The following CRB1 variants were observed in gnomAD, a reference collection of about 807,000 sequenced individuals.
CRB1 encodes the protein crumbs cell polarity complex component 1.
CRB1 carries 83 observed loss-of-function variants against 120.0 expected under a neutral mutation model. The ratio of observed to expected loss-of-function variants is 0.69; its 90% confidence interval spans 0.58 to 0.83. The LOEUF is 0.83. CRB1 is among the 40% of genes least tolerant of loss of function. The pLI is 0.00. For synonymous variants in CRB1, 625 were observed against 612.5 expected (o/e 1.02, Z -0.30); for missense variants, 1,699 against 1,687.6 (o/e 1.01, Z -0.12).
At chr1:197,366,067 G>A (rs532185256) in intron 5 of CRB1, among the ~76,000 whole-genome samples, 1 of 151,922 alleles carries the variant, frequency 6.6e-6, no homozygotes, top group African/African-American at 2.4e-5. Context: ...ATGGCTTCAG[G>A]TAGAAAAGCA....
chr1:197,352,661 T>G (rs1660167860), intron 4 of CRB1, among the ~76,000 whole-genome samples: 1 of 151,452 alleles, frequency 6.6e-6, no homozygotes, highest in Admixed American at 6.6e-5. Flanking sequence ...TGTTGGGTCT[T>G]GATCTGACAT....
the CRB1 span, among the ~76,000 whole-genome samples, chr1:197,232,372 C>CT: frequency 6.6e-6 from 1 of 152,070 alleles, no homozygotes; most frequent in Non-Finnish European, 1.5e-5. Flanking sequence ...AAATGACACT[C>CT]TAAGACAACC....
chr1:197,245,989 C>A, the CRB1 span, among the ~76,000 whole-genome samples: 1 of 152,074 alleles, frequency 6.6e-6, no homozygotes, highest in South Asian at 2.1e-4. Context: ...TCTAACTTTC[C>A]AGCAGGGCTC....
chr1:197,453,486 G>A (rs986722677), intron 11 of CRB1, among the ~76,000 whole-genome samples: 2 of 144,788 alleles, frequency 1.4e-5, no homozygotes, highest in African/African-American at 5.0e-5. Flanking sequence ...TTAAATAACT[G>A]TGTGTGTATA....
At chr1:197,443,852 C>A (rs2125516740) in intron 11 of CRB1, 1 of 152,150 alleles carries the variant, frequency 6.6e-6, no homozygotes, top group African/African-American at 2.4e-5. Context: ...AGTACGTTAT[C>A]ATTTATGCTA....
chr1:197,379,678 G>GGCTTTTTGCTTTCCATATCATAGACTC (rs1661846063), intron 5 of CRB1, among the ~76,000 whole-genome samples: 1 of 151,164 alleles, frequency 6.6e-6, no homozygotes, highest in Admixed American at 6.6e-5. Context: ...TGGTGGAATG[G>GGCTTTTTGCTTTCCATATCATAGACTC]GCTTTTTGCT....
chr1:197,473,402 T>C (rs912799809), intron 11 of CRB1, among the ~76,000 whole-genome samples: 16 of 152,280 alleles, frequency 1.1e-4, no homozygotes, highest in African/African-American at 3.6e-4. Flanking sequence ...TAGAATACCA[T>C]GGAATAACCT....
At chr1:197,429,031 C>G (rs1338856075) in intron 7 of CRB1, 1 of 1,498,730 alleles carries the variant, frequency 6.7e-7, no homozygotes, top group South Asian at 1.2e-5. Context: ...ACCTAAGTAC[C>G]AAGTTTCACT....
At chr1:197,293,426 TGAAA>T (rs1656319849) in intron 1 of CRB1, among the ~76,000 whole-genome samples, 1 of 152,014 alleles carries the variant, frequency 6.6e-6, no homozygotes, top group Non-Finnish European at 1.5e-5. Context: ...CAAAAACAAA[TGAAA>T]GAACATTCCA....
At chr1:197,245,391 A>G in the CRB1 span, among the ~76,000 whole-genome samples, 2 of 152,072 alleles carry the variant, frequency 1.3e-5, no homozygotes, top group Non-Finnish European at 2.9e-5. Context: ...CAGATACTCA[A>G]GAGGCTGAGG....
chr1:197,426,894 A>G (rs1310521059), intron 6 of CRB1, among the ~76,000 whole-genome samples: 2 of 152,222 alleles, frequency 1.3e-5, no homozygotes, highest in Non-Finnish European at 2.9e-5. Flanking sequence ...TAACTAGCCT[A>G]AATCACATGT....
the CRB1 span, among the ~76,000 whole-genome samples, chr1:197,262,313 T>C: frequency 2.0e-5 from 3 of 152,136 alleles, no homozygotes; most frequent in African/African-American, 7.2e-5. Flanking sequence ...ACAGCTCAAA[T>C]TGAATATATT....
At chr1:197,269,341 T>C (rs901432035) in intron 1 of CRB1, among the ~76,000 whole-genome samples, 2 of 152,244 alleles carry the variant, frequency 1.3e-5, no homozygotes, top group Non-Finnish European at 2.9e-5. Flanking sequence ...TCACCTTCTG[T>C]GGCTGCACCA....
At chr1:197,252,327 G>A in the CRB1 span, among the ~76,000 whole-genome samples, 16 of 150,326 alleles carry the variant, frequency 1.1e-4, no homozygotes, top group Non-Finnish European at 1.6e-4. Context: ...TTCAGGTCTC[G>A]AAATAGGTGG....
the CRB1 span, among the ~76,000 whole-genome samples, chr1:197,262,405 GAA>G: frequency 2.0e-5 from 3 of 151,874 alleles, no homozygotes; most frequent in Non-Finnish European, 2.9e-5. Flanking sequence ...ATTTATTCTT[GAA>G]AAGTCTTTCA....
chr1:197,383,464 G>C (rs1662059278), intron 5 of CRB1, among the ~76,000 whole-genome samples: 1 of 152,144 alleles, frequency 6.6e-6, no homozygotes, highest in South Asian at 2.1e-4. Flanking sequence ...TTAAGGAGCT[G>C]CTACATACAC....
the CRB1 span, among the ~76,000 whole-genome samples, chr1:197,245,964 G>A: frequency 2.0e-5 from 3 of 152,094 alleles, no homozygotes; most frequent in Admixed American, 2.0e-4. Flanking sequence ...ACTGACGTTG[G>A]TTGGGGGCAA....
In CRB1 at chr1:197,420,981, C is replaced by T; in HGVS notation, c.1172-19C>T. 2 of 1,433,974 alleles carry T rather than the reference C, an allele frequency of 1.4e-6. No individual in the cohort carries two copies. The highest frequency in any genetic ancestry group is 2.0e-6 in the Non-Finnish European group (2 of 1,016,420). The allele number at this position is 1,433,974 out of a possible 1,614,324, so 88.8% of individuals were successfully genotyped here. A position where few individuals can be genotyped will look rare whatever the true frequency, so the allele number is the denominator to read the frequency against. On this transcript the variant is annotated intron_variant, in intron 5 of 11. Transcript: ENST00000367400. ...GATGTGAATATATATAATTTTAGCC[C>T]TTTTTTATTATTTAACAGGAATCCA...
intron 1 of CRB1, among the ~76,000 whole-genome samples, chr1:197,308,322 T>C (rs1377766638): frequency 2.6e-5 from 4 of 152,184 alleles, no homozygotes; most frequent in Non-Finnish European, 1.5e-5. Context: ...TTGGGTACTA[T>C]ACTCACTATG....
Sources: allele counts gnomAD v4.1 joint callset (sites outside exome capture counted in the v4.1 genomes callset), GRCh38; gene constraint gnomAD v4.1.1; transcripts MANE v1.5; gene names NCBI Gene and HGNC (gene_info 2026-07-23, HGNC 2026-07-21).